SLF1: variants seen among roughly 807,000 people sequenced by gnomAD.
The protein encoded by SLF1 is SMC5-SMC6 complex localization factor protein 1.
A neutral mutation model predicts 123.0 loss-of-function variants in SLF1; 105 were observed. That is an observed-to-expected ratio of 0.85 (90% CI 0.73 to 1.00). The LOEUF (loss-of-function observed/expected upper bound fraction) is 1.00. Among genes scored for constraint, SLF1 ranks in the 50% least tolerant of loss-of-function variants. The pLI, the probability that SLF1 is intolerant of heterozygous loss-of-function variation, is 0.00. For synonymous variants in SLF1, 434 were observed against 406.6 expected, an observed-to-expected ratio of 1.07 and a Z score of -0.81; for missense variants, 1,239 against 1,223.0, an observed-to-expected ratio of 1.01 and a Z score of -0.20.
At chr5:94,678,691 C>T in intron 14 of SLF1, 117 bp from the exon 15 acceptor site, 1 of 862,716 alleles carries the variant, frequency 1.2e-6, no homozygotes. Context: ...TTAATCATTA[C>T]ATACCCTGTA....
chr5:94,648,769 C>T lies in SLF1; in HGVS notation c.595-685C>T, dbSNP rs530896027. On this transcript the variant is annotated intron_variant, in intron 5 of 20. Transcript: ENST00000265140. ...TGCTGGGATTACAGGCATGAGCCAC[C>T]GTGCCCAGCCTGAACAGCCTCTCAT... Among the ~76,000 whole-genome samples, 252 of 152,302 alleles carry T rather than the reference C, an allele frequency of 1.7e-3. 2 individuals are homozygous for T. Among genetic ancestry groups the T allele is most frequent in the African/African-American group, 4.4e-3 (184 of 41,572 alleles).
Position 94,662,346 on chromosome 5 carries a change from G to T in SLF1, c.1204G>T (p.Val402Leu). 3 of 1,548,256 alleles carry T rather than the reference G, an allele frequency of 1.9e-6. No homozygotes were observed. In the East Asian group the frequency reaches 7.4e-5, roughly 38 times the overall value. Residue 402 changes from valine (V) to leucine (L), a missense_variant, in exon 10 of 21, where the codon GTA (valine) becomes TTA (leucine). Physicochemically the swap from Val to Leu is conservative, Grantham distance 32. Coordinates refer to ENST00000265140, the MANE Select transcript of SLF1 (RefSeq NM_032290.4). ...AATAGATAAACAACCAGTGTACAAC[G>T]TAGAGGTAAGGGGCTTGGAGCAGCA... ...IRIDKQPVYN[V>L]EVKNAEFPRG...
intron 1 of SLF1, chr5:94,620,074 T>G (rs1791577883): frequency 6.6e-6 from 1 of 152,186 alleles, no homozygotes; most frequent in South Asian, 2.1e-4. Context: ...GAGACAGGGT[T>G]TCACCATGCT....
chr5:94,670,113 G>T (rs755064680), intron 12 of SLF1, 38 bp from the exon 13 acceptor site: 165 of 1,506,110 alleles, frequency 1.1e-4, no homozygotes, highest in Non-Finnish European at 1.4e-4. Flanking sequence ...TTAGTGAATT[G>T]CTTGTATGTT....
chr5:94,669,967 A>T (rs1003347322), intron 12 of SLF1, among the ~76,000 whole-genome samples, 184 bp from the exon 13 acceptor site: 22 of 152,010 alleles, frequency 1.4e-4, no homozygotes, highest in African/African-American at 4.8e-4. Flanking sequence ...TTAAGTACTC[A>T]TGAGATATTT....
chr5:94,688,662 G>A lies in SLF1; in HGVS notation c.2278G>A (p.Glu760Lys), dbSNP rs1304334537. Residue 760 changes from glutamate (E) to lysine (K), a missense_variant, in exon 17 of 21, where the codon GAG becomes AAG. Coordinates refer to ENST00000265140, the MANE Select transcript of SLF1 (RefSeq NM_032290.4). ...ACAAAAACAAGTCGAAGGGCTGCCA[G>A]AGTTACTGTAAGTGATGCTGATATC... ...TKQKQVEGLP[E>K]LLDLNLAKCS... is the part of the protein sequence containing the mutation. The A allele has an allele frequency of 6.2e-7, 1 of 1,613,906 alleles. No homozygotes were observed. Among genetic ancestry groups the A allele is most frequent in the South Asian group, 1.1e-5 (1 of 91,050 alleles).
At chr5:94,655,738 A>T (rs924244537) in intron 9 of SLF1, among the ~76,000 whole-genome samples, 1 of 151,886 alleles carries the variant, frequency 6.6e-6, no homozygotes, top group Admixed American at 6.6e-5. Flanking sequence ...TCTGTGATTG[A>T]TTTATAGCTA....
chr5:94,653,807 G>A (rs1748043719), intron 8 of SLF1, among the ~76,000 whole-genome samples: 1 of 150,784 alleles, frequency 6.6e-6, no homozygotes, highest in Non-Finnish European at 1.5e-5. Flanking sequence ...GAGATGTCTT[G>A]TTTTTAAAAT....
At chr5:94,630,442 A>G (rs1745079503) in intron 3 of SLF1, 61 bp from the exon 4 acceptor site, 1 of 1,476,482 alleles carries the variant, frequency 6.8e-7, no homozygotes, top group Non-Finnish European at 9.1e-7. Flanking sequence ...TTTGATCTTT[A>G]TTGTTTATCA....
At chr5:94,688,462 T>C (rs773970531) in intron 16 of SLF1, 44 bp from the exon 17 acceptor site, 39 of 1,571,680 alleles carry the variant, frequency 2.5e-5, no homozygotes, top group Middle Eastern at 1.7e-4. Flanking sequence ...TCTTTACTGC[T>C]GTTTTTGTAG....
chr5:94,660,761 G>A (rs1344302073), intron 9 of SLF1, among the ~76,000 whole-genome samples: 1 of 152,194 alleles, frequency 6.6e-6, no homozygotes, highest in Non-Finnish European at 1.5e-5. Context: ...CTGGTGCTGG[G>A]CAGGGTTTGA....
intron 4 of SLF1, among the ~76,000 whole-genome samples, chr5:94,638,218 A>C (rs902253940): frequency 1.3e-5 from 2 of 151,740 alleles, no homozygotes; most frequent in Admixed American, 1.3e-4. Context: ...TCACTCTGTC[A>C]CCCAGGCTGA....
At chr5:94,625,770 T>C (rs1238218394) in intron 1 of SLF1, among the ~76,000 whole-genome samples, 1 of 152,190 alleles carries the variant, frequency 6.6e-6, no homozygotes, top group African/African-American at 2.4e-5. Context: ...TCCCTAGTTG[T>C]GGACATATGT....
chr5:94,663,700 CA>C lies in SLF1; in HGVS notation c.1210-46del, dbSNP rs759316846. 1.3e-3 allele frequency: 1,774 copies of C among 1,373,144 alleles called. 8 individuals are homozygous for C. The highest frequency in any genetic ancestry group is 1.6e-3 in the Non-Finnish European group (1,679 of 1,031,312). The allele number at this position is 1,373,144 out of a possible 1,614,324, so 85.1% of individuals were successfully genotyped here. On this transcript the variant is annotated intron_variant, in intron 10 of 20. Transcript: ENST00000265140. ...TTCTTACTAATTCATGATTTGATTG[CA>C]AAATTTTATCTTTCTTTTCTCTGAA... is the stretch of plus-strand genomic sequence containing the variant.
intron 15 of SLF1, 106 bp from the exon 16 acceptor site, chr5:94,686,467 G>A (rs1333839175): frequency 6.5e-6 from 8 of 1,235,000 alleles, no homozygotes; most frequent in Non-Finnish European, 8.0e-6. Flanking sequence ...TCTTATAGGT[G>A]TAAGAGCTCT....
intron 16 of SLF1, among the ~76,000 whole-genome samples, chr5:94,687,974 A>AT (rs1752632566): frequency 1.4e-5 from 2 of 142,980 alleles, no homozygotes. Context: ...ATAATTATTT[A>AT]TTATTATTAA....
chr5:94,658,700 A>G (rs28787271), intron 9 of SLF1, among the ~76,000 whole-genome samples: 38,259 of 152,142 alleles, frequency 0.25, 5,154 homozygotes, highest in Non-Finnish European at 0.29. Context: ...GGACGTTTTC[A>G]GCTATTGTTT....
At chr5:94,632,466 A>G (rs573626027) in intron 4 of SLF1, among the ~76,000 whole-genome samples, 2 of 152,316 alleles carry the variant, frequency 1.3e-5, no homozygotes, top group East Asian at 1.9e-4. Flanking sequence ...TTATAGGTCA[A>G]ATCTTAACAA....
At chr5:94,650,091 G>C (rs1747509368) in intron 6 of SLF1, among the ~76,000 whole-genome samples, 1 of 152,150 alleles carries the variant, frequency 6.6e-6, no homozygotes, top group Non-Finnish European at 1.5e-5. Flanking sequence ...ATATGGTATG[G>C]TGGCTGTCAA....
Sources: allele counts gnomAD v4.1 joint callset (sites outside exome capture counted in the v4.1 genomes callset), GRCh38; gene constraint gnomAD v4.1.1; transcripts MANE v1.5; gene names NCBI Gene and HGNC (gene_info 2026-07-23, HGNC 2026-07-21).